Variants in CC2D2B observed in about 807,000 individuals in gnomAD.
CC2D2B encodes the protein coiled-coil and C2 domain containing 2B, also known as protein CC2D2B.
Under a neutral mutation model 161.2 loss-of-function variants are expected in CC2D2B, and 128 were observed. The ratio of observed to expected loss-of-function variants is 0.79; its 90% CI spans 0.69 to 0.92. The LOEUF (loss-of-function observed/expected upper bound fraction) is 0.92, where lower values mean the gene tolerates loss of function less well. CC2D2B is among the 40% of genes least tolerant of loss of function. The pLI, the probability that CC2D2B is intolerant of heterozygous loss-of-function variation, is 0.00. For synonymous variants in CC2D2B, 391 were observed against 449.8 expected, an observed-to-expected ratio of 0.87 and a Z score of 1.65; for missense variants, 1,173 against 1,375.1, an observed-to-expected ratio of 0.85 and a Z score of 2.32.
chr10:95,946,159 G>A (rs575649787), intron 9 of CC2D2B, among the ~76,000 whole-genome samples: 28 of 152,086 alleles, frequency 1.8e-4, no homozygotes, highest in Middle Eastern at 3.4e-3. Context: ...GACCCTTTTT[G>A]GCCATAAGGA....
At chr10:95,930,862 C>T (rs7913576) in intron 6 of CC2D2B, among the ~76,000 whole-genome samples, 89,669 of 151,820 alleles carry the variant, frequency 0.59, 27,063 homozygotes, top group African/African-American at 0.66. Flanking sequence ...TTGTTGTGTC[C>T]CTGACAGGTT....
rs2075911539 is a variant in CC2D2B, at chr10:95,938,589, C to T, written c.556C>T (p.Pro186Ser). The T allele has an allele frequency of 2.9e-6, 2 of 701,728 alleles. No homozygotes were observed. Among genetic ancestry groups the T allele is most frequent in the East Asian group, 5.4e-5 (2 of 37,170 alleles). The allele number at this position is 701,728 out of a possible 1,614,324, so 43.5% of individuals were successfully genotyped here. Residue 186 changes from proline (P) to serine (S), a missense_variant, in exon 8 of 35, where the codon CCA becomes TCA. Physicochemically the swap from Pro to Ser is moderately conservative, Grantham distance 74. Transcript: ENST00000646931. ...TAAAGTGGTTAACCAGCGCAAACTGCCAAAAGATATGATGCCACGTATTCT... is the reference window on the plus strand; with the variant it reads ...TAAAGTGGTTAACCAGCGCAAACTGTCAAAAGATATGATGCCACGTATTCT... ...SSPVVNQRKL[P>S]KDMMPRILED...
rs558855401 is a variant in CC2D2B, at chr10:95,996,143, G to A, written c.2740G>A (p.Asp914Asn). 2.0e-3 allele frequency: 2,798 copies of A among 1,405,366 alleles called. 4 individuals carry two copies. Among genetic ancestry groups the A allele is most frequent in the Non-Finnish European group, 2.6e-3 (2,675 of 1,042,746 alleles). 87.1% of individuals were successfully genotyped at this position (1,405,366 alleles called of 1,614,324 possible). A position where few individuals can be genotyped will look rare whatever the true frequency, so the allele number is the denominator to read the frequency against. The change falls in exon 24 of 35, where the codon GAT becomes AAT. Residue 914 changes from aspartate (D) to asparagine (N), a missense_variant and splice_region_variant. Transcript: ENST00000646931. ...SVASDETLHE[D>N]TVHPFVEVSF... is the part of the protein sequence containing the mutation. The stretch of plus-strand genomic sequence containing the variant: ...AGTCAATGTTTATTATGTGTTTCAG[G>A]ATACTGTACATCCATTCGTGGAAGT...
intron 13 of CC2D2B, 21 bp downstream of exon 13, chr10:95,966,019 C>A: frequency 1.1e-6 from 1 of 899,684 alleles, no homozygotes; most frequent in Non-Finnish European, 1.5e-6. Context: ...TGCAAAATAA[C>A]ATTAAACTCA....
chr10:95,931,233 C>A (rs545425634), intron 6 of CC2D2B, among the ~76,000 whole-genome samples: 2 of 152,210 alleles, frequency 1.3e-5, no homozygotes, highest in African/African-American at 2.4e-5. Flanking sequence ...GTGGTGACAT[C>A]CCCTTTATCG....
Position 95,938,934 on chromosome 10 carries a change from C to CA in CC2D2B, c.801+11dup. 1 of 667,858 alleles carries CA rather than the reference C, an allele frequency of 1.5e-6. No homozygotes were observed. The highest frequency in any genetic ancestry group is 2.7e-6 in the Non-Finnish European group (1 of 369,534). The allele number at this position is 667,858 out of a possible 1,614,324, so 41.4% of individuals were successfully genotyped here. A position where few individuals can be genotyped will look rare whatever the true frequency, so the allele number is the denominator to read the frequency against. Reference sequence around the variant, plus strand: ...AGACCATATACAGGAAGGTAACCAACAACAATTTATTTGTAATTATGGTTA... The same window carrying CA: ...AGACCATATACAGGAAGGTAACCAACAAACAATTTATTTGTAATTATGGTTA... On this transcript the variant is annotated intron_variant, in intron 9 of 34. Transcript: ENST00000646931.
chr10:95,923,742 C>T (rs552262242), intron 3 of CC2D2B, among the ~76,000 whole-genome samples: 3 of 152,218 alleles, frequency 2.0e-5, no homozygotes, highest in East Asian at 1.9e-4. Flanking sequence ...GGGCTGGGCG[C>T]GGTGGCTCAT....
chr10:96,014,524 AATT>A (rs1217803102), intron 29 of CC2D2B, among the ~76,000 whole-genome samples: 1 of 152,188 alleles, frequency 6.6e-6, no homozygotes, highest in Admixed American at 6.5e-5. Context: ...ACAAGAAAAG[AATT>A]ATTTTCTCTC....
intron 23 of CC2D2B, among the ~76,000 whole-genome samples, chr10:95,995,777 T>C (rs985742049): frequency 1.3e-5 from 2 of 152,256 alleles, no homozygotes; most frequent in African/African-American, 2.4e-5. Context: ...AGCAATGTTT[T>C]CTCCATGATG....
chr10:95,972,940 A>G (rs1214201671), intron 16 of CC2D2B, among the ~76,000 whole-genome samples: 1 of 152,144 alleles, frequency 6.6e-6, no homozygotes, highest in African/African-American at 2.4e-5. Flanking sequence ...AAAGGAGAGA[A>G]GAAAGAAGGG....
intron 22 of CC2D2B, among the ~76,000 whole-genome samples, chr10:95,993,936 GTGTGTGTATGTA>G (rs1475868335): frequency 0.036 from 693 of 19,386 alleles, 36 homozygotes; most frequent in African/African-American, 0.1. Context: ...GTGTGTGTGT[GTGTGTGTATGTA>G]TGTGTATATA....
intron 20 of CC2D2B, among the ~76,000 whole-genome samples, chr10:95,991,166 C>A (rs1195156265): frequency 6.6e-6 from 1 of 152,154 alleles, no homozygotes; most frequent in African/African-American, 2.4e-5. Context: ...TGGAAATAAA[C>A]TAGCTTTGGT....
chr10:95,935,045 AT>A (rs2075768474), intron 6 of CC2D2B, among the ~76,000 whole-genome samples: 1 of 151,952 alleles, frequency 6.6e-6, no homozygotes, highest in Non-Finnish European at 1.5e-5. Context: ...TAATTTTTGT[AT>A]TTTTAGTAGA....
intron 9 of CC2D2B, among the ~76,000 whole-genome samples, chr10:95,946,673 T>C (rs922080048): frequency 5.9e-5 from 9 of 152,112 alleles, no homozygotes; most frequent in Non-Finnish European, 1.2e-4. Flanking sequence ...ACAAGCTTTA[T>C]TGCTGTTTGT....
intron 11 of CC2D2B, among the ~76,000 whole-genome samples, chr10:95,955,935 C>T (rs769706029): frequency 2.6e-5 from 4 of 152,074 alleles, no homozygotes; most frequent in Non-Finnish European, 4.4e-5. Flanking sequence ...GACTGGAAAG[C>T]GAAGTTATGA....
chr10:96,028,206 A>G (rs2141976123), intron 34 of CC2D2B, among the ~76,000 whole-genome samples: 1 of 152,270 alleles, frequency 6.6e-6, no homozygotes, highest in East Asian at 1.9e-4. Flanking sequence ...ACTGAGAGAA[A>G]ATATTCGGAA....
chr10:95,983,607 A>AG lies in CC2D2B; in HGVS notation c.2084_2085insG (p.Tyr695Ter). Reference sequence around the variant, plus strand: ...AACTAAAGACTTTGCGTTTTACAGTACATGAGACTTAAGGGGCAGGATATT... The same window carrying AG: ...AACTAAAGACTTTGCGTTTTACAGTAGCATGAGACTTAAGGGGCAGGATATT... ...EYSDLMESVTYMRLKGQDIPK... is the reference protein window; with the variant it reads ...EYSDLMESVT Residue 695 changes from tyrosine to a stop codon, truncating the protein, a stop_gained and frameshift_variant and splice_region_variant, in exon 19 of 35, where the codon TAC becomes TAGC. Transcript: ENST00000646931. LOFTEE classifies it high-confidence loss of function. 1 of 1,225,214 alleles carries AG rather than the reference A, an allele frequency of 8.2e-7. No individual in the cohort carries two copies. The highest frequency in any genetic ancestry group is 1.0e-6 in the Non-Finnish European group (1 of 981,692). 75.9% of individuals were successfully genotyped at this position (1,225,214 alleles called of 1,614,324 possible).
chr10:96,015,088 T>C (rs560845169), intron 29 of CC2D2B, among the ~76,000 whole-genome samples: 6 of 152,080 alleles, frequency 3.9e-5, no homozygotes, highest in African/African-American at 1.4e-4. Flanking sequence ...TTTTTTTAAA[T>C]GGAGTCTCGC....
chr10:95,914,009 T>C (rs1360046515), intron 2 of CC2D2B, among the ~76,000 whole-genome samples: 1 of 152,212 alleles, frequency 6.6e-6, no homozygotes, highest in African/African-American at 2.4e-5. Context: ...GCCTGTGCTT[T>C]TGGGGTATTA....
Sources: allele counts gnomAD v4.1 joint callset (sites outside exome capture counted in the v4.1 genomes callset), GRCh38; gene constraint gnomAD v4.1.1; transcripts MANE v1.5; gene names NCBI Gene and HGNC (gene_info 2026-07-23, HGNC 2026-07-21).